The following GRID2 variants were observed in gnomAD, a reference collection of about 807,000 sequenced individuals.
GRID2 encodes the protein glutamate ionotropic receptor delta type subunit 2.
Under a neutral mutation model 114.8 loss-of-function variants are expected in GRID2, and 33 were observed. The observed-to-expected ratio is 0.29, with a 90% CI of 0.22 to 0.38. The LOEUF is 0.38. GRID2 is among the 10% of genes least tolerant of loss of function. The pLI, the probability that GRID2 is intolerant of heterozygous loss-of-function variation, is 1.00. For synonymous variants in GRID2, 505 were observed against 449.9 expected (o/e 1.12, Z -1.55); for missense variants, 1,184 against 1,257.7 (o/e 0.94, Z 0.89).
At position 92,552,507 on chromosome 4, in the gene GRID2, C is replaced by A. The variant is rs189245448; in HGVS notation, c.89-37624C>A. On this transcript the variant is annotated intron_variant, in intron 1 of 15. Coordinates refer to ENST00000282020, the MANE Select transcript of GRID2 (RefSeq NM_001510.4). ...AAAATGGTGTGAAGTAGCTGTAAGA[C>A]AGAGCTATTCAAATGATGAATTAGT... Among the ~76,000 whole-genome samples, 10 of 152,174 alleles carry A rather than the reference C, an allele frequency of 6.6e-5. No individual in the cohort carries two copies. The East Asian group carries it at 1.9e-3, about 29-fold the overall frequency.
chr4:92,709,175 T>C (rs983809917), intron 2 of GRID2, among the ~76,000 whole-genome samples: 4 of 152,040 alleles, frequency 2.6e-5, no homozygotes, highest in Non-Finnish European at 5.9e-5. Context: ...TTCTCTCACA[T>C]ACAGATTAAG....
At chr4:93,761,543 T>A (rs1733208788) in intron 14 of GRID2, among the ~76,000 whole-genome samples, 1 of 152,158 alleles carries the variant, frequency 6.6e-6, no homozygotes, top group Non-Finnish European at 1.5e-5. Context: ...AAATATTGGC[T>A]ATCTGACCCT....
intron 2 of GRID2, among the ~76,000 whole-genome samples, chr4:92,700,273 T>C (rs1047223561): frequency 3.3e-5 from 5 of 152,228 alleles, no homozygotes; most frequent in Admixed American, 3.3e-4. Flanking sequence ...CAACCCAATG[T>C]ATGCATTCAT....
At chr4:93,200,566 A>AAAACAAAC (rs35790342) in intron 4 of GRID2, among the ~76,000 whole-genome samples, 3,780 of 149,844 alleles carry the variant, frequency 0.025, 63 homozygotes, top group Non-Finnish European at 0.038. Context: ...ACTCCGTCTC[A>AAAACAAAC]AAACAAACAA....
intron 1 of GRID2, among the ~76,000 whole-genome samples, chr4:92,530,554 T>C (rs1725292638): frequency 7.1e-6 from 1 of 141,732 alleles, no homozygotes; most frequent in African/African-American, 2.6e-5. Context: ...GAGAATCAAA[T>C]AAATTTTGTA....
At chr4:93,626,141 T>A (rs1742710118) in intron 13 of GRID2, 128 bp from the exon 14 acceptor site, 3 of 571,852 alleles carry the variant, frequency 5.2e-6, no homozygotes, top group Admixed American at 3.4e-5. Context: ...TACTGAAGGA[T>A]GATTATATGT....
At chr4:93,185,898 A>AAG (rs1740363021) in intron 4 of GRID2, among the ~76,000 whole-genome samples, 1 of 151,206 alleles carries the variant, frequency 6.6e-6, no homozygotes, top group Non-Finnish European at 1.5e-5. Context: ...CCTCCCCCTG[A>AAG]CCCCCACCCC....
At chr4:93,212,296 G>A (rs1163708648) in intron 5 of GRID2, among the ~76,000 whole-genome samples, 1 of 152,096 alleles carries the variant, frequency 6.6e-6, no homozygotes, top group Non-Finnish European at 1.5e-5. Context: ...ATCAAAGTTG[G>A]CATTGTGCAT....
intron 2 of GRID2, among the ~76,000 whole-genome samples, chr4:92,752,689 T>A (rs1737510747): frequency 6.6e-6 from 1 of 152,242 alleles, no homozygotes; most frequent in Non-Finnish European, 1.5e-5. Flanking sequence ...CTTTTTAAAC[T>A]GCTAGTAGCT....
At chr4:92,483,726 A>G (rs891229299) in intron 1 of GRID2, among the ~76,000 whole-genome samples, 1 of 152,112 alleles carries the variant, frequency 6.6e-6, no homozygotes, top group African/African-American at 2.4e-5. Flanking sequence ...CAGAATAATG[A>G]AAGTCATATT....
intron 8 of GRID2, among the ~76,000 whole-genome samples, chr4:93,300,622 G>GT (rs1420462812): frequency 1.3e-5 from 2 of 152,140 alleles, no homozygotes; most frequent in Non-Finnish European, 2.9e-5. Context: ...ACTCCAAAAA[G>GT]TCTTGGGGTG....
chr4:92,421,566 G>A (rs1731909616), intron 1 of GRID2, among the ~76,000 whole-genome samples: 1 of 152,126 alleles, frequency 6.6e-6, no homozygotes, highest in African/African-American at 2.4e-5. Flanking sequence ...TAGGCCCACT[G>A]CTAAGAGTCT....
chr4:93,394,667 G>A, intron 8 of GRID2, among the ~76,000 whole-genome samples: 1 of 151,956 alleles, frequency 6.6e-6, no homozygotes, highest in East Asian at 1.9e-4. Context: ...TGAAAGATCT[G>A]TTACATTTTT....
intron 1 of GRID2, among the ~76,000 whole-genome samples, chr4:92,573,413 A>G (rs1047005898): frequency 4.6e-5 from 7 of 152,000 alleles, no homozygotes; most frequent in Admixed American, 3.9e-4. Context: ...TAGAGTGTCA[A>G]TTTGAGATCT....
intron 1 of GRID2, among the ~76,000 whole-genome samples, chr4:92,482,751 A>C (rs1024215704): frequency 6.6e-6 from 1 of 152,164 alleles, no homozygotes; most frequent in Non-Finnish European, 1.5e-5. Context: ...AGAGACGCAT[A>C]ACTTAAAAAC....
intron 4 of GRID2, among the ~76,000 whole-genome samples, chr4:93,116,304 G>A (rs1053792216): frequency 2.6e-5 from 4 of 152,208 alleles, no homozygotes; most frequent in African/African-American, 7.2e-5. Context: ...TTGGAAGCAC[G>A]TATTTTCTAT....
chr4:92,319,278 T>C (rs940428154), intron 1 of GRID2, among the ~76,000 whole-genome samples: 2 of 152,190 alleles, frequency 1.3e-5, no homozygotes, highest in Admixed American at 6.5e-5. Context: ...CTTGATATTT[T>C]AATATTATGT....
In GRID2 at chr4:93,773,174, T is replaced by G. The variant is rs1468823619; in HGVS notation, c.*676T>G. ...AAGTTTTTTCTTATGTACAGTAAAC[T>G]TTATCATATGGCAGAAGCCTCTATT... On this transcript the variant is annotated 3_prime_UTR_variant, in exon 16 of 16. Coordinates refer to ENST00000282020, the MANE Select transcript of GRID2 (RefSeq NM_001510.4). 1 of 152,196 alleles carries G rather than the reference T, an allele frequency of 6.6e-6. No homozygotes were observed. Among genetic ancestry groups the G allele is most frequent in the East Asian group, 1.9e-4 (1 of 5,204 alleles). The allele number at this position is 152,196 out of a possible 1,614,324, so 9.4% of individuals were successfully genotyped here. A position where few individuals can be genotyped will look rare whatever the true frequency, so the allele number is the denominator to read the frequency against.
At chr4:92,379,624 G>A (rs970552262) in intron 1 of GRID2, among the ~76,000 whole-genome samples, 1 of 151,832 alleles carries the variant, frequency 6.6e-6, no homozygotes, top group African/African-American at 2.4e-5. Flanking sequence ...AACTAGATCA[G>A]TTGCAAAATA....
Sources: allele counts gnomAD v4.1 joint callset (sites outside exome capture counted in the v4.1 genomes callset), GRCh38; gene constraint gnomAD v4.1.1; transcripts MANE v1.5; gene names NCBI Gene and HGNC (gene_info 2026-07-23, HGNC 2026-07-21).